The following PCDH15 variants were observed in gnomAD, a reference collection of about 807,000 sequenced individuals.
The protein encoded by PCDH15 is protocadherin related 15.
A neutral mutation model predicts 178.5 loss-of-function variants in PCDH15; 129 were observed. The ratio of observed to expected loss-of-function variants is 0.72; its 90% CI spans 0.63 to 0.84. The LOEUF (loss-of-function observed/expected upper bound fraction) is 0.84. Among genes scored for constraint, PCDH15 ranks in the 40% least tolerant of loss-of-function variants. The pLI, the probability that PCDH15 is intolerant of heterozygous loss-of-function variation, is 0.00. For synonymous variants in PCDH15, 800 were observed against 732.0 expected, an observed-to-expected ratio of 1.09 and a Z score of -1.50; for missense variants, 2,230 against 2,099.9, an observed-to-expected ratio of 1.06 and a Z score of -1.21.
chr10:55,159,607 G>A (rs1034026927), intron 2 of PCDH15, among the ~76,000 whole-genome samples: 12 of 147,580 alleles, frequency 8.1e-5, no homozygotes, highest in African/African-American at 2.2e-4. Context: ...TTGTAAATGT[G>A]TAAATAAATA....
In PCDH15 at chr10:54,844,643, T is replaced by C. The variant is rs115242863; in HGVS notation, c.-29+52807A>G. On this transcript the variant is annotated intron_variant, in intron 3 of 5. Coordinates refer to the PCDH15 transcript ENST00000458638. The stretch of plus-strand genomic sequence containing the variant: ...CTTTTGCTTTTTTTTTGAATATTAA[T>C]AATTTTTCAGAAATATGTATCCACA... Among the ~76,000 whole-genome samples, 489 of 152,098 alleles carry C rather than the reference T, an allele frequency of 3.2e-3. 1 individual carries two copies. The highest frequency in any genetic ancestry group is 0.011 in the African/African-American group (463 of 41,546).
chr10:55,354,448 A>T (rs1845022584), intron 2 of PCDH15, among the ~76,000 whole-genome samples: 1 of 152,268 alleles, frequency 6.6e-6, no homozygotes, highest in Non-Finnish European at 1.5e-5. Flanking sequence ...ACAACAGGAT[A>T]AGTATAAAAG....
rs566335146 is a variant in PCDH15, at chr10:55,111,044, G to A, written c.-80+55532C>T. 1.8e-4 allele frequency among the ~76,000 whole-genome samples: 27 copies of A among 152,132 alleles called. No homozygotes were observed. The South Asian group carries it at 5.2e-3, about 29-fold the overall frequency. ...TGTTTTGCCTAAATTTAGTAACAAA[G>A]TCAATGTCAAACATAGTCTATTTCT... On this transcript the variant is annotated intron_variant, in intron 2 of 5. Coordinates refer to the PCDH15 transcript ENST00000458638.
rs376753438 is a variant in PCDH15 at position 54,731,571 on chromosome 10, C to CAA, written c.-28-67282_-28-67281insTT. 1.7e-4 allele frequency among the ~76,000 whole-genome samples: 17 copies of CAA among 98,416 alleles called. 1 individual carries two copies. The highest frequency in any genetic ancestry group is 6.8e-4 in the South Asian group (2 of 2,936). 64.6% of individuals were successfully genotyped at this position (98,416 alleles called of 152,430 possible). A position where few individuals can be genotyped will look rare whatever the true frequency, so the allele number is the denominator to read the frequency against. On this transcript the variant is annotated intron_variant, in intron 1 of 37. Coordinates refer to ENST00000644397, the MANE Select transcript of PCDH15 (RefSeq NM_001384140.1). The stretch of plus-strand genomic sequence containing the variant: ...ATATATATATATATATATACACACA[C>CAA]ACACACACACACACACACACACATA...
At chr10:54,579,563 A>T (rs1280659687) in intron 2 of PCDH15, among the ~76,000 whole-genome samples, 2 of 152,044 alleles carry the variant, frequency 1.3e-5, no homozygotes, top group Non-Finnish European at 2.9e-5. Context: ...CAATGACAGC[A>T]TTAGAGAGAT....
At chr10:54,855,086 C>T (rs1953713238) in intron 3 of PCDH15, among the ~76,000 whole-genome samples, 1 of 152,226 alleles carries the variant, frequency 6.6e-6, no homozygotes, top group African/African-American at 2.4e-5. Flanking sequence ...CCAGTGTGTA[C>T]ACACACACCC....
chr10:55,484,619 C>T (rs4935594), intron 2 of PCDH15, among the ~76,000 whole-genome samples: 1 of 151,422 alleles, frequency 6.6e-6, no homozygotes, highest in Non-Finnish European at 1.5e-5. Flanking sequence ...AAAGAGACAG[C>T]AAACTACCTG....
rs147241514 is a variant in PCDH15, at chr10:55,211,195, A to C, written c.-155-44544T>G. On this transcript the variant is annotated intron_variant, in intron 1 of 5. Transcript: ENST00000458638. ...AAGTGGGAGACAGCTTGAAGGAGAA[A>C]ATGGAAGTCCTCTGTAAATAACTGG... is the stretch of plus-strand genomic sequence containing the variant. 7.2e-5 allele frequency among the ~76,000 whole-genome samples: 11 copies of C among 152,152 alleles called. 1 individual carries two copies. Among genetic ancestry groups the C allele is most frequent in the African/African-American group, 1.9e-4 (8 of 41,456 alleles).
At chr10:54,206,095 TCTTCA>T (rs1448777322) in intron 10 of PCDH15, among the ~76,000 whole-genome samples, 7 of 152,136 alleles carry the variant, frequency 4.6e-5, no homozygotes, top group African/African-American at 1.4e-4. Context: ...ATACTTTCTA[TCTTCA>T]CTTCAAGTAA....
At position 54,153,332 on chromosome 10, in the gene PCDH15, C is replaced by T. The variant is rs751112908; in HGVS notation, c.1591-39G>A. ...TCACAACATAAATCCTCTTGGGTCTCAACTTTTCACCACCATGTCGTTTTT... is the reference window on the plus strand; with the variant it reads ...TCACAACATAAATCCTCTTGGGTCTTAACTTTTCACCACCATGTCGTTTTT... On this transcript the variant is annotated intron_variant, in intron 13 of 37. Transcript: ENST00000644397. 2.3e-5 allele frequency: 37 copies of T among 1,606,624 alleles called. No individual in the cohort carries two copies. The African/African-American group carries it at 4.5e-4, about 20-fold the overall frequency.
intron 1 of PCDH15, among the ~76,000 whole-genome samples, chr10:54,668,284 T>C (rs890591266): frequency 6.6e-6 from 1 of 152,136 alleles, no homozygotes; most frequent in Non-Finnish European, 1.5e-5. Flanking sequence ...AAATAAGTTA[T>C]ATAAAATGTT....
upstream of PCDH15, among the ~76,000 whole-genome samples, chr10:55,321,213 G>T (rs1843891230): frequency 6.6e-6 from 1 of 152,050 alleles, no homozygotes; most frequent in Non-Finnish European, 1.5e-5. Context: ...ACAAACACAA[G>T]TATTAACTAC....
At position 54,549,192 on chromosome 10, in the gene PCDH15, A is replaced by G. The variant is rs553234141; in HGVS notation, c.92-21315T>C. On this transcript the variant is annotated intron_variant, in intron 2 of 37. Transcript: ENST00000644397. ...TTTATGTTTTTTATTATTTATTTTT[A>G]TCTTCTTTGTCCTTATTCTCTTTTC... Among the ~76,000 whole-genome samples, 9 of 149,904 alleles carry G rather than the reference A, an allele frequency of 6.0e-5. No individual in the cohort carries two copies. In the East Asian group the frequency reaches 7.9e-4, roughly 13 times the overall value.
intron 1 of PCDH15, among the ~76,000 whole-genome samples, chr10:54,797,311 G>A (rs114683281): frequency 6.6e-6 from 1 of 151,900 alleles, no homozygotes; most frequent in East Asian, 1.9e-4. Context: ...GGAAAGAAAT[G>A]CTTCATTTTC....
At chr10:55,487,845 T>G (rs1207440131) in intron 2 of PCDH15, among the ~76,000 whole-genome samples, 1 of 151,608 alleles carries the variant, frequency 6.6e-6, no homozygotes, top group Non-Finnish European at 1.5e-5. Context: ...GTAATTTTAA[T>G]TATGACACTT....
chr10:54,716,991 G>C (rs1401552824), intron 1 of PCDH15, among the ~76,000 whole-genome samples: 1 of 148,884 alleles, frequency 6.7e-6, no homozygotes, highest in Admixed American at 6.8e-5. Flanking sequence ...ACAAACCTGA[G>C]AAGAACAAGC....
At chr10:54,252,788 A>T (rs1040000058) in intron 8 of PCDH15, among the ~76,000 whole-genome samples, 1 of 149,372 alleles carries the variant, frequency 6.7e-6, no homozygotes, top group African/African-American at 2.5e-5. Context: ...TTTTTTTTTT[A>T]AAGTAACATT....
chr10:55,353,880 T>C (rs375603853), intron 2 of PCDH15, among the ~76,000 whole-genome samples: 1 of 152,096 alleles, frequency 6.6e-6, no homozygotes, highest in African/African-American at 2.4e-5. Flanking sequence ...AATGATTTCC[T>C]TTCTCTCTTA....
intron 1 of PCDH15, among the ~76,000 whole-genome samples, chr10:54,737,009 G>A (rs946901314): frequency 6.6e-6 from 1 of 152,064 alleles, no homozygotes; most frequent in Non-Finnish European, 1.5e-5. Flanking sequence ...TTTACCAGAG[G>A]GAGCACTACC....
Sources: allele counts gnomAD v4.1 joint callset (sites outside exome capture counted in the v4.1 genomes callset), GRCh38; gene constraint gnomAD v4.1.1; transcripts MANE v1.5; gene names NCBI Gene and HGNC (gene_info 2026-07-23, HGNC 2026-07-21).